Variants in SAMSN1 observed in about 807,000 individuals in gnomAD.
SAMSN1 encodes SAM domain-containing protein SAMSN-1.
Under a neutral mutation model 42.0 loss-of-function variants are expected in SAMSN1, and 31 were observed. The observed-to-expected ratio is 0.74, with a 90% CI of 0.55 to 1.00. The LOEUF is 1.00. Among genes scored for constraint, SAMSN1 ranks in the 50% least tolerant of loss-of-function variants. The probability of loss-of-function intolerance (pLI) is 0.00; values close to 1 mark genes in which losing one functional copy is unlikely to be tolerated. For missense variants in SAMSN1, 464 were observed against 439.4 expected, an observed-to-expected ratio of 1.06 and a Z score of -0.50; for synonymous variants, 178 against 151.9, an observed-to-expected ratio of 1.17 and a Z score of -1.26.
At chr21:14,561,217 G>A (rs546230342) in intron 2 of SAMSN1, among the ~76,000 whole-genome samples, 3 of 151,830 alleles carry the variant, frequency 2.0e-5, no homozygotes, top group Admixed American at 6.6e-5. Context: ...CTCAGTGCCC[G>A]AGGACCATTT....
chr21:14,495,923 C>G (rs1327849181), intron 7 of SAMSN1: 2 of 151,924 alleles, frequency 1.3e-5, no homozygotes, highest in Non-Finnish European at 2.9e-5. Context: ...TACATCGGCT[C>G]TATAAATAAT....
intron 2 of SAMSN1, among the ~76,000 whole-genome samples, chr21:14,628,547 A>G (rs1430889310): frequency 5.3e-5 from 8 of 152,334 alleles, no homozygotes; most frequent in Non-Finnish European, 1.0e-4. Context: ...TATTTTCAAA[A>G]CGAGAAGATT....
chr21:14,497,222 G>C (rs1986946177), intron 7 of SAMSN1, among the ~76,000 whole-genome samples: 1 of 152,194 alleles, frequency 6.6e-6, no homozygotes, highest in South Asian at 2.1e-4. Flanking sequence ...AAGTACTCAA[G>C]AGAATAATCA....
intron 2 of SAMSN1, among the ~76,000 whole-genome samples, chr21:14,558,137 T>C (rs997478137): frequency 6.6e-6 from 1 of 152,162 alleles, no homozygotes; most frequent in Non-Finnish European, 1.5e-5. Flanking sequence ...TCGCTAGCAC[T>C]AGCATAGAAC....
chr21:14,632,570 T>C (rs1983358500), intron 2 of SAMSN1, among the ~76,000 whole-genome samples: 1 of 152,218 alleles, frequency 6.6e-6, no homozygotes, highest in African/African-American at 2.4e-5. Context: ...CAAATAATTG[T>C]GTATTATTTA....
chr21:14,493,574 A>AACACACACACACACACACAC (rs201460166), intron 7 of SAMSN1, among the ~76,000 whole-genome samples: 3 of 102,202 alleles, frequency 2.9e-5, no homozygotes, highest in African/African-American at 8.5e-5. Flanking sequence ...TTTATGGAAC[A>AACACACACACACACACACAC]ACACACACAC....
chr21:14,608,290 G>A (rs1600960734), intron 5 of SAMSN1, among the ~76,000 whole-genome samples: 1 of 152,206 alleles, frequency 6.6e-6, no homozygotes, highest in African/African-American at 2.4e-5. Flanking sequence ...TGCTGAGAGA[G>A]AATATTTGTG....
intron 3 of SAMSN1, among the ~76,000 whole-genome samples, chr21:14,514,493 T>C (rs1251899120): frequency 6.6e-6 from 1 of 152,272 alleles, no homozygotes; most frequent in Non-Finnish European, 1.5e-5. Context: ...GGGATTATGA[T>C]AGTAATCCAG....
intron 5 of SAMSN1, among the ~76,000 whole-genome samples, chr21:14,607,659 A>G (rs1982600764): frequency 6.6e-6 from 1 of 152,220 alleles, no homozygotes; most frequent in Non-Finnish European, 1.5e-5. Flanking sequence ...ACCAGAAGTA[A>G]CTCATCTAAG....
At position 14,498,585 on chromosome 21, in the gene SAMSN1, G is replaced by T. The variant is rs1432104219; in HGVS notation, c.776C>A (p.Thr259Asn). Residue 259 changes from threonine (T) to asparagine (N), a missense_variant, in exon 7 of 8, where the codon ACC becomes AAC. By Grantham distance (65) the Thr-to-Asn change is moderately conservative (BLOSUM62 0). Transcript: ENST00000400566. ...ATAACCATTGAGCAAAAGTGTTGAG[G>T]TGTATTCCTGTAAGACAAAAAATAT... ...FLERIHLQEY[T>N]STLLLNGYET... The T allele has an allele frequency of 6.4e-7, 1 of 1,571,780 alleles. No homozygotes were observed. Among genetic ancestry groups the T allele is most frequent in the Non-Finnish European group, 8.6e-7 (1 of 1,167,176 alleles).
chr21:14,509,197 A>G (rs1301311393), intron 5 of SAMSN1, among the ~76,000 whole-genome samples: 1 of 152,164 alleles, frequency 6.6e-6, no homozygotes, highest in Non-Finnish European at 1.5e-5. Context: ...TGGTGTATAT[A>G]TATACAATGG....
intron 1 of SAMSN1, among the ~76,000 whole-genome samples, chr21:14,528,623 T>C (rs993712002): frequency 6.6e-6 from 1 of 152,212 alleles, no homozygotes. Flanking sequence ...ACACCACAAA[T>C]GCACATTCTC....
chr21:14,653,417 T>C (rs572362645), intron 1 of SAMSN1, among the ~76,000 whole-genome samples: 1 of 152,198 alleles, frequency 6.6e-6, no homozygotes, highest in South Asian at 2.1e-4. Flanking sequence ...CATCGCATGT[T>C]CTCACTTATC....
At chr21:14,611,433 C>A (rs1004268639) in intron 4 of SAMSN1, among the ~76,000 whole-genome samples, 7 of 152,164 alleles carry the variant, frequency 4.6e-5, no homozygotes, top group Non-Finnish European at 8.8e-5. Context: ...AATAATGCAA[C>A]CTATGCATAG....
At chr21:14,491,565 C>A (rs1244524356) in intron 7 of SAMSN1, among the ~76,000 whole-genome samples, 2 of 152,184 alleles carry the variant, frequency 1.3e-5, no homozygotes, top group African/African-American at 2.4e-5. Flanking sequence ...CCTTATCTAT[C>A]TAACCACTTC....
chr21:14,530,332 A>G (rs1370606636), intron 1 of SAMSN1, among the ~76,000 whole-genome samples: 1 of 125,312 alleles, frequency 8.0e-6, no homozygotes, highest in Admixed American at 9.1e-5. Context: ...AAAAAAAAAA[A>G]AAAAGAAAGA....
chr21:14,645,029 G>A (rs1052203544), intron 1 of SAMSN1, among the ~76,000 whole-genome samples: 1 of 152,168 alleles, frequency 6.6e-6, no homozygotes, highest in Non-Finnish European at 1.5e-5. Context: ...TAATGTTTTA[G>A]ACTCTAATCC....
chr21:14,499,491 C>CAAA (rs11301197), intron 6 of SAMSN1, among the ~76,000 whole-genome samples: 6 of 133,836 alleles, frequency 4.5e-5, no homozygotes, highest in African/African-American at 8.1e-5. Flanking sequence ...CCCTTTTTAA[C>CAAA]AAAAAAAAAA....
Position 14,635,710 on chromosome 21 carries a change from C to T in SAMSN1, c.156+7292G>A, listed in dbSNP as rs2064029. ...TACTAAATTAAAAGATTACTCTGCC[C>T]GGGTGTGGTGGTTTGCAGAAGGAAA... On this transcript the variant is annotated intron_variant, in intron 2 of 15. Coordinates refer to the SAMSN1 transcript ENST00000647101. Among the ~76,000 whole-genome samples, 929 of 152,104 alleles carry T rather than the reference C, an allele frequency of 6.1e-3. 16 individuals are homozygous for T. The highest frequency in any genetic ancestry group is 0.021 in the African/African-American group (889 of 41,482).
Sources: allele counts gnomAD v4.1 joint callset (sites outside exome capture counted in the v4.1 genomes callset), GRCh38; gene constraint gnomAD v4.1.1; transcripts MANE v1.5; gene names NCBI Gene and HGNC (gene_info 2026-07-23, HGNC 2026-07-21).